PCDH9: variants seen among roughly 807,000 people sequenced by gnomAD.
PCDH9 encodes the protein protocadherin 9.
A neutral mutation model predicts 70.6 loss-of-function variants in PCDH9; 24 were observed. The observed-to-expected ratio is 0.34, with a 90% CI of 0.25 to 0.48. The LOEUF (loss-of-function observed/expected upper bound fraction) is 0.48, where lower values mean the gene tolerates loss of function less well. Ranked by LOEUF, PCDH9 falls within the 20% of genes least tolerant of loss-of-function variation. PCDH9 has a pLI of 0.99. For missense variants in PCDH9, 1,281 were observed against 1,503.6 expected, an observed-to-expected ratio of 0.85 and a Z score of 2.45; for synonymous variants, 562 against 558.5, an observed-to-expected ratio of 1.01 and a Z score of -0.09.
chr13:66,783,273 T>A (rs1474214980), intron 3 of PCDH9, among the ~76,000 whole-genome samples: 2 of 152,134 alleles, frequency 1.3e-5, no homozygotes, highest in Non-Finnish European at 2.9e-5. Flanking sequence ...CTTTATTTCA[T>A]AATTCACATT....
At chr13:66,984,806 G>A (rs1213072105) in intron 2 of PCDH9, among the ~76,000 whole-genome samples, 1 of 152,056 alleles carries the variant, frequency 6.6e-6, no homozygotes, top group Non-Finnish European at 1.5e-5. Context: ...TTATAAAGGA[G>A]ATATGTGTAT....
At chr13:66,510,622 G>A (rs1038796740) in intron 4 of PCDH9, among the ~76,000 whole-genome samples, 5 of 151,980 alleles carry the variant, frequency 3.3e-5, no homozygotes, top group Non-Finnish European at 7.4e-5. Context: ...TTGGTTTTTT[G>A]TCCTTGCGAT....
intron 4 of PCDH9, among the ~76,000 whole-genome samples, chr13:66,407,053 A>G (rs994762508): frequency 6.6e-6 from 1 of 152,182 alleles, no homozygotes; most frequent in African/African-American, 2.4e-5. Flanking sequence ...GAAACAAGGC[A>G]CAGATCTCAC....
chr13:67,130,814 C>A (rs910741129), intron 2 of PCDH9, among the ~76,000 whole-genome samples: 1 of 152,088 alleles, frequency 6.6e-6, no homozygotes. Context: ...CCTGTATGCA[C>A]CGGTGGGCCC....
intron 3 of PCDH9, among the ~76,000 whole-genome samples, chr13:66,791,669 T>C (rs1033936856): frequency 4.6e-5 from 7 of 152,166 alleles, no homozygotes; most frequent in Non-Finnish European, 7.4e-5. Flanking sequence ...TACATGCTTA[T>C]GTATGTATTA....
At chr13:66,327,883 A>T (rs1380714669) in intron 4 of PCDH9, among the ~76,000 whole-genome samples, 1 of 152,160 alleles carries the variant, frequency 6.6e-6, no homozygotes, top group Non-Finnish European at 1.5e-5. Context: ...GAAAACTAGA[A>T]TGAACTTATT....
At chr13:67,071,270 C>T (rs1218741728) in intron 2 of PCDH9, among the ~76,000 whole-genome samples, 1 of 152,054 alleles carries the variant, frequency 6.6e-6, no homozygotes, top group African/African-American at 2.4e-5. Flanking sequence ...AAATGTTCAA[C>T]ACTATTTAAA....
intron 2 of PCDH9, among the ~76,000 whole-genome samples, chr13:67,091,344 A>G (rs1280314897): frequency 6.6e-6 from 1 of 152,110 alleles, no homozygotes; most frequent in African/African-American, 2.4e-5. Flanking sequence ...AGGTGAAGCT[A>G]ATACAGTGAA....
intron 2 of PCDH9, among the ~76,000 whole-genome samples, chr13:66,997,346 A>T (rs2084138498): frequency 6.6e-6 from 1 of 152,100 alleles, no homozygotes; most frequent in Non-Finnish European, 1.5e-5. Context: ...GGAGCAAGAA[A>T]GGGAGGGAGA....
intron 4 of PCDH9, among the ~76,000 whole-genome samples, chr13:66,525,737 T>A (rs1045791266): frequency 2.0e-5 from 3 of 152,144 alleles, no homozygotes; most frequent in Non-Finnish European, 4.4e-5. Context: ...TACATTCTAG[T>A]GCACTTCAGC....
At chr13:67,097,626 C>A (rs1248596785) in intron 2 of PCDH9, among the ~76,000 whole-genome samples, 1 of 152,086 alleles carries the variant, frequency 6.6e-6, no homozygotes, top group Non-Finnish European at 1.5e-5. Flanking sequence ...TCTGCTCTCA[C>A]AATCATTTGA....
At chr13:67,003,713 C>T (rs1379075690) in intron 2 of PCDH9, among the ~76,000 whole-genome samples, 1 of 152,066 alleles carries the variant, frequency 6.6e-6, no homozygotes, top group Admixed American at 6.5e-5. Flanking sequence ...GTCCCCACTG[C>T]GAAATTACTC....
chr13:66,369,050 T>C (rs1956601525), intron 4 of PCDH9, among the ~76,000 whole-genome samples: 2 of 152,216 alleles, frequency 1.3e-5, no homozygotes, highest in South Asian at 4.1e-4. Flanking sequence ...TTGTTTCTCT[T>C]GCTAAAATAA....
intron 4 of PCDH9, among the ~76,000 whole-genome samples, chr13:66,330,078 A>G (rs1219778432): frequency 6.6e-6 from 1 of 152,246 alleles, no homozygotes; most frequent in Non-Finnish European, 1.5e-5. Context: ...AGTGCTCAAC[A>G]GCAAGACTGG....
At chr13:67,112,135 A>G (rs2086670556) in intron 2 of PCDH9, among the ~76,000 whole-genome samples, 2 of 152,172 alleles carry the variant, frequency 1.3e-5, no homozygotes, top group African/African-American at 4.8e-5. Context: ...CAACTTTCAC[A>G]TGTGCTTCTG....
chr13:66,996,970 G>C (rs769509195), intron 2 of PCDH9, among the ~76,000 whole-genome samples: 1 of 152,148 alleles, frequency 6.6e-6, no homozygotes, highest in Non-Finnish European at 1.5e-5. Flanking sequence ...GGTTAAGTTT[G>C]ATTAGATATG....
chr13:66,454,215 A>G (rs1958272482), intron 4 of PCDH9, among the ~76,000 whole-genome samples: 1 of 152,186 alleles, frequency 6.6e-6, no homozygotes, highest in African/African-American at 2.4e-5. Context: ...GTAGTTAGAA[A>G]AAAAAGACAT....
chr13:67,172,834 C>A (rs375377466), intron 2 of PCDH9, among the ~76,000 whole-genome samples: 1 of 143,332 alleles, frequency 7.0e-6, no homozygotes, highest in Non-Finnish European at 1.5e-5. Flanking sequence ...GGCGAGATCA[C>A]GCCACTGCAG....
At chr13:66,655,621 G>A (rs1186787377) in intron 3 of PCDH9, among the ~76,000 whole-genome samples, 1 of 152,018 alleles carries the variant, frequency 6.6e-6, no homozygotes, top group Non-Finnish European at 1.5e-5. Context: ...TATAAAAAGT[G>A]TTAAGACAAA....
Sources: allele counts gnomAD v4.1 joint callset (sites outside exome capture counted in the v4.1 genomes callset), GRCh38; gene constraint gnomAD v4.1.1; transcripts MANE v1.5; gene names NCBI Gene and HGNC (gene_info 2026-07-23, HGNC 2026-07-21).